ZNF133: variants seen among roughly 807,000 people sequenced by gnomAD.
ZNF133 encodes zinc finger protein 133 (clone pHZ-13).
ZNF133 carries 26 observed loss-of-function variants against 54.9 expected under a neutral mutation model. That is an observed-to-expected ratio of 0.47 (90% CI 0.35 to 0.66). The LOEUF is 0.66. Among genes scored for constraint, ZNF133 ranks in the 30% least tolerant of loss-of-function variants. ZNF133 has a pLI of 0.01. For missense variants in ZNF133, 653 were observed against 820.8 expected, an observed-to-expected ratio of 0.80 and a Z score of 2.50; for synonymous variants, 298 against 320.3, an observed-to-expected ratio of 0.93 and a Z score of 0.74.
chr20:18,311,474 G>A (rs1052987329), intron 6 of ZNF133, among the ~76,000 whole-genome samples: 2 of 152,138 alleles, frequency 1.3e-5, no homozygotes, highest in Non-Finnish European at 2.9e-5. Flanking sequence ...TTAGTTACCA[G>A]TATTATTGTC....
rs749855102 is a variant in ZNF133, at chr20:18,316,475, C to T, written c.1624C>T (p.Arg542Trp). ...SHQAGLIRHK[R>W]KHSREKPYMC... is the part of the protein sequence containing the mutation. Reference sequence around the variant, plus strand: ...CCAGGCCGGTCTCATCAGGCACAAGCGGAAGCACTCGAGGGAGAAGCCCTA... The same window carrying T: ...CCAGGCCGGTCTCATCAGGCACAAGTGGAAGCACTCGAGGGAGAAGCCCTA... Residue 542 changes from arginine to tryptophan, a missense_variant, in exon 7 of 7, where the codon CGG (arginine) becomes TGG (tryptophan). By Grantham distance (101) the Arg-to-Trp change is moderately radical. Coordinates refer to ENST00000425686, the MANE Select transcript of ZNF133 (RefSeq NM_001352452.2). 14 of 1,614,006 alleles carry T rather than the reference C, an allele frequency of 8.7e-6. No homozygotes were observed. The highest frequency in any genetic ancestry group is 2.7e-5 in the African/African-American group (2 of 75,006).
chr20:18,308,809 C>G (rs76160457), intron 6 of ZNF133, among the ~76,000 whole-genome samples: 2,109 of 152,260 alleles, frequency 0.014, 47 homozygotes, highest in African/African-American at 0.047. Context: ...GAGACTTGCT[C>G]AGGGGTTGAC....
At position 18,306,354 on chromosome 20, in the gene ZNF133, T is replaced by G; in HGVS notation, c.178T>G (p.Trp60Gly). The G allele has an allele frequency of 6.2e-7, 1 of 1,613,824 alleles. No individual in the cohort carries two copies. The highest frequency in any genetic ancestry group is 2.2e-5 in the East Asian group (1 of 44,870). ...CCAGCTGGAGCAAGGGAAAGAGACC[T>G]GGAGAGAGGAAAAAAAATGTTCACC... ...ITQLEQGKET[W>G]REEKKCSPAT... is the part of the protein sequence containing the mutation. The change falls in exon 6 of 7, where the codon TGG becomes GGG. Residue 60 changes from tryptophan (W) to glycine (G), a missense_variant. Transcript: ENST00000425686.
chr20:18,302,381 T>C (rs1039571607), intron 3 of ZNF133, among the ~76,000 whole-genome samples: 21 of 136,990 alleles, frequency 1.5e-4, no homozygotes, highest in Non-Finnish European at 2.7e-4. Flanking sequence ...CCAGCCTGGG[T>C]GACAAGAGCA....
chr20:18,307,420 C>T (rs1473538802), intron 6 of ZNF133, among the ~76,000 whole-genome samples: 1 of 152,172 alleles, frequency 6.6e-6, no homozygotes, highest in East Asian at 1.9e-4. Context: ...ATTTTTTCAG[C>T]ACGTTAAAGA....
chr20:18,308,829 T>G (rs543653555), intron 6 of ZNF133, among the ~76,000 whole-genome samples: 2 of 152,306 alleles, frequency 1.3e-5, no homozygotes, highest in East Asian at 3.9e-4. Flanking sequence ...CTGAGGCAGA[T>G]GAGTAGGTGT....
chr20:18,307,059 C>G (rs113230145), intron 6 of ZNF133, among the ~76,000 whole-genome samples: 1 of 73,314 alleles, frequency 1.4e-5, no homozygotes, highest in Non-Finnish European at 2.4e-5. Flanking sequence ...AATCACCCCC[C>G]CTCCCAACAT....
intron 6 of ZNF133, chr20:18,310,070 T>C: frequency 8.8e-7 from 1 of 1,133,664 alleles, no homozygotes; most frequent in Non-Finnish European, 1.1e-6. Context: ...TATAGAATTA[T>C]CAAAACATTT....
intron 6 of ZNF133, among the ~76,000 whole-genome samples, chr20:18,307,517 C>T (rs1384453707): frequency 1.3e-5 from 2 of 152,180 alleles, no homozygotes; most frequent in African/African-American, 4.8e-5. Flanking sequence ...GGCTACTTTT[C>T]TCCATACTTT....
chr20:18,305,708 G>A lies in ZNF133; in HGVS notation c.22G>A (p.Val8Met), dbSNP rs1395809004. The A allele has an allele frequency of 6.2e-7, 1 of 1,614,212 alleles. No individual in the cohort carries two copies. The highest frequency in any genetic ancestry group is 1.3e-5 in the African/African-American group (1 of 75,064). MAFRDVA[V>M]DFTQDEWRLL... Reference sequence around the variant, plus strand: ...ACACATGGCATTCAGGGATGTGGCTGTGGATTTCACCCAGGATGAGTGGAG... The same window carrying A: ...ACACATGGCATTCAGGGATGTGGCTATGGATTTCACCCAGGATGAGTGGAG... Residue 8 changes from valine (V) to methionine (M), a missense_variant, in exon 5 of 7, where the codon GTG (valine) becomes ATG (methionine). Val to Met is a conservative substitution (Grantham distance 21). Coordinates refer to ENST00000425686, the MANE Select transcript of ZNF133 (RefSeq NM_001352452.2). This position sits in a 1 kb window ranked among gnomAD's most constrained non-coding sequence, Gnocchi z 4.7.
At position 18,298,021 on chromosome 20, in the gene ZNF133, TA is replaced by T. The variant is rs1192571279; in HGVS notation, c.-393del. On this transcript the variant is annotated 5_prime_UTR_variant, in exon 2 of 7. Transcript: ENST00000425686. Reference sequence around the variant, plus strand: ...GAGATATCATCCTTCTTCAGGGAGATAAGGAAAAAAAGCCACAGGGTCCCGG... The same window carrying T: ...GAGATATCATCCTTCTTCAGGGAGATAGGAAAAAAAGCCACAGGGTCCCGG... The T allele has an allele frequency of 4.6e-6, 7 of 1,534,570 alleles. No homozygotes were observed. The African/African-American group carries it at 8.2e-5, about 18-fold the overall frequency.
At chr20:18,295,997 G>T (rs1433574596) in intron 1 of ZNF133, among the ~76,000 whole-genome samples, 1 of 152,062 alleles carries the variant, frequency 6.6e-6, no homozygotes, top group Non-Finnish European at 1.5e-5. Context: ...TTTTTAAGTA[G>T]TTCTATAATT....
intron 3 of ZNF133, among the ~76,000 whole-genome samples, chr20:18,300,910 T>G (rs1173644453): frequency 6.6e-6 from 1 of 151,892 alleles, no homozygotes; most frequent in Admixed American, 6.6e-5. Flanking sequence ...AGAAAGACAA[T>G]AAGTAAAAAA....
intron 3 of ZNF133, among the ~76,000 whole-genome samples, chr20:18,302,416 A>G (rs1190492815): frequency 6.6e-6 from 1 of 152,170 alleles, no homozygotes; most frequent in Non-Finnish European, 1.5e-5. Flanking sequence ...AAAAAAAAAA[A>G]AAAAAATCAA....
chr20:18,288,845 T>C (rs2040236768), intron 1 of ZNF133, among the ~76,000 whole-genome samples: 1 of 151,792 alleles, frequency 6.6e-6, no homozygotes, highest in Admixed American at 6.6e-5. Context: ...AACTGGATGG[T>C]GATGAGTGGG....
intron 1 of ZNF133, chr20:18,295,365 G>A (rs2042017921): frequency 6.6e-6 from 1 of 152,418 alleles, no homozygotes; most frequent in African/African-American, 2.4e-5. Flanking sequence ...GGAGGAAGAG[G>A]ATACCCACCT....
At position 18,306,748 on chromosome 20, in the gene ZNF133, G is replaced by A. The variant is rs557817623; in HGVS notation, c.217+355G>A. 1.5e-5 allele frequency: 20 copies of A among 1,333,806 alleles called. No individual in the cohort carries two copies. In the African/African-American group the frequency reaches 3.0e-4, roughly 20 times the overall value. The allele number at this position is 1,333,806 out of a possible 1,614,324, so 82.6% of individuals were successfully genotyped here. ...AACAACTGTGACCTACAGAAAGAAG[G>A]CAAGCCCAGTGGGAGGAAGAAATCT... On this transcript the variant is annotated intron_variant, in intron 6 of 6. Transcript: ENST00000425686.
chr20:18,316,986 T>C lies in ZNF133; in HGVS notation c.*170T>C, dbSNP rs1222102413. ...GGTTGTAATAAACTTGGCTTCTTTA[T>C]ACATCTGTAACTGTGCCTGTGTCCC... On this transcript the variant is annotated 3_prime_UTR_variant, in exon 7 of 7. Transcript: ENST00000425686. The C allele has an allele frequency of 1.3e-6, 1 of 756,836 alleles. No individual in the cohort carries two copies. The highest frequency in any genetic ancestry group is 1.8e-5 in the African/African-American group (1 of 56,744). 46.9% of individuals were successfully genotyped at this position (756,836 alleles called of 1,614,324 possible).
At chr20:18,290,767 A>G (rs1336280918) in intron 1 of ZNF133, among the ~76,000 whole-genome samples, 1 of 152,120 alleles carries the variant, frequency 6.6e-6, no homozygotes, top group East Asian at 1.9e-4. Context: ...CAGCCTTATA[A>G]CTTGATATAA....
Sources: gnomAD v4.1 joint callset for allele counts (sites outside exome capture counted in the v4.1 genomes callset) on GRCh38, gnomAD v4.1.1 for gene constraint, Gnocchi (gnomAD v3.1) non-coding constraint, MANE v1.5 for transcripts, NCBI Gene and HGNC (gene_info 2026-07-23, HGNC 2026-07-21) for gene names.